ABRAXAS2: variants seen among roughly 807,000 people sequenced by gnomAD.
ABRAXAS2 encodes BRISC complex subunit Abraxas 2.
In ABRAXAS2, 23 loss-of-function variants were observed where a neutral mutation model predicts 49.0. That is an observed-to-expected ratio of 0.47 (90% CI 0.34 to 0.66). ABRAXAS2 has a LOEUF of 0.66. Among genes scored for constraint, ABRAXAS2 ranks in the 30% least tolerant of loss-of-function variants. ABRAXAS2 has a pLI of 0.01. For synonymous variants in ABRAXAS2, 168 were observed against 180.2 expected (o/e 0.93, Z 0.54); for missense variants, 443 against 511.9 (o/e 0.87, Z 1.30).
intron 1 of ABRAXAS2, among the ~76,000 whole-genome samples, chr10:124,802,160 T>C (rs1950709222): frequency 6.6e-6 from 1 of 152,204 alleles, no homozygotes; most frequent in Admixed American, 6.5e-5. Context: ...GCAGCAAAAC[T>C]GTCCCACCTG....
chr10:124,812,466 G>A (rs764110725), intron 2 of ABRAXAS2, among the ~76,000 whole-genome samples: 4 of 151,986 alleles, frequency 2.6e-5, no homozygotes, highest in Non-Finnish European at 4.4e-5. Context: ...ACAATATAGC[G>A]AGACCCTGTC....
At chr10:124,805,514 A>G (rs1034007061) in intron 1 of ABRAXAS2, among the ~76,000 whole-genome samples, 3 of 152,232 alleles carry the variant, frequency 2.0e-5, no homozygotes, top group African/African-American at 7.2e-5. Flanking sequence ...ACTGTTAGTG[A>G]GGCACCTACT....
At chr10:124,824,100 C>A (rs1229712536) in intron 4 of ABRAXAS2, among the ~76,000 whole-genome samples, 1 of 151,988 alleles carries the variant, frequency 6.6e-6, no homozygotes, top group Non-Finnish European at 1.5e-5. Context: ...TGGGGTCTTG[C>A]TATCTGGCTC....
intron 1 of ABRAXAS2, among the ~76,000 whole-genome samples, chr10:124,802,468 G>C (rs1950712661): frequency 1.3e-5 from 2 of 152,160 alleles, no homozygotes; most frequent in Non-Finnish European, 2.9e-5. Context: ...GGTCTATTTT[G>C]TATTTCCTTG....
intron 4 of ABRAXAS2, among the ~76,000 whole-genome samples, chr10:124,822,667 C>T (rs766747543): frequency 1.4e-4 from 22 of 151,952 alleles, no homozygotes; most frequent in Non-Finnish European, 2.8e-4. Flanking sequence ...TGGCGGATGC[C>T]TGTAATCCCA....
intron 2 of ABRAXAS2, among the ~76,000 whole-genome samples, chr10:124,809,273 G>A (rs1387805320): frequency 1.3e-5 from 2 of 152,144 alleles, no homozygotes; most frequent in Non-Finnish European, 1.5e-5. Context: ...TAGGGGACAA[G>A]GGTGTTTTAT....
At chr10:124,832,197 A>G (rs1389368385) in intron 8 of ABRAXAS2, among the ~76,000 whole-genome samples, 4 of 152,030 alleles carry the variant, frequency 2.6e-5, no homozygotes. Flanking sequence ...AGGAGCTACC[A>G]AATATTCTTT....
rs1469856799 is a variant in ABRAXAS2 at position 124,816,480 on chromosome 10, C to T, written c.164-96C>T. 7.8e-6 allele frequency: 6 copies of T among 765,444 alleles called. No homozygotes were observed. The Admixed American group carries it at 1.7e-4, about 22-fold the overall frequency. The allele number at this position is 765,444 out of a possible 1,614,324, so 47.4% of individuals were successfully genotyped here. ...CAGAGGGAAAAGCTGTCTTTGTTGT[C>T]AGAGATTTTGATTAAAAAAAAAAGT... On this transcript the variant is annotated intron_variant, in intron 2 of 8. Transcript: ENST00000298492.
intron 5 of ABRAXAS2, among the ~76,000 whole-genome samples, 174 bp downstream of exon 5, chr10:124,826,959 TG>T (rs56413986): frequency 0.18 from 27,025 of 151,368 alleles, 2,828 homozygotes; most frequent in Non-Finnish European, 0.24. Context: ...CTGGGTGTGG[TG>T]GCACGTGGCT....
At chr10:124,822,330 T>A (rs1950866663) in intron 4 of ABRAXAS2, among the ~76,000 whole-genome samples, 1 of 152,132 alleles carries the variant, frequency 6.6e-6, no homozygotes, top group Non-Finnish European at 1.5e-5. Context: ...AACAAAAGCC[T>A]GAGTGGGTGT....
chr10:124,816,592 G>A lies in ABRAXAS2; in HGVS notation c.180G>A (p.Gln60=). 6.2e-7 allele frequency: 1 copy of A among 1,602,302 alleles called. No homozygotes were observed. Among genetic ancestry groups the A allele is most frequent in the Non-Finnish European group, 8.5e-7 (1 of 1,170,172 alleles). The change falls in exon 3 of 9, where the codon CAG becomes CAA. Residue 60 remains glutamine (Q), a synonymous_variant. Transcript: ENST00000298492. ...FLQVIEIHNH[Q]PCSKLFSFYD... is the part of the protein sequence containing the mutation. ...TAATTACAGAAATCCATAACCATCA[G>A]CCTTGTTCAAAACTTTTTAGGTAAG...
At chr10:124,816,892 A>C (rs1169330604) in intron 3 of ABRAXAS2, among the ~76,000 whole-genome samples, 2 of 152,218 alleles carry the variant, frequency 1.3e-5, no homozygotes, top group African/African-American at 2.4e-5. Flanking sequence ...AATAATTCAA[A>C]GGATGTTCTT....
chr10:124,833,943 C>T (rs1377213170), intron 8 of ABRAXAS2, among the ~76,000 whole-genome samples: 3 of 151,880 alleles, frequency 2.0e-5, no homozygotes, highest in Non-Finnish European at 4.4e-5. Flanking sequence ...GCTATAAAGG[C>T]GTATAAGTGT....
chr10:124,815,954 G>A (rs1190084587), intron 2 of ABRAXAS2, among the ~76,000 whole-genome samples: 1 of 145,624 alleles, frequency 6.9e-6, no homozygotes, highest in Non-Finnish European at 1.5e-5. Flanking sequence ...CCAGGCTGGA[G>A]TGCAGTGGCG....
intron 2 of ABRAXAS2, among the ~76,000 whole-genome samples, chr10:124,810,233 T>A (rs1234678363): frequency 1.3e-5 from 2 of 152,144 alleles, no homozygotes; most frequent in Non-Finnish European, 2.9e-5. Context: ...ATTTACTAAG[T>A]AAAGGTTTGA....
intron 1 of ABRAXAS2, among the ~76,000 whole-genome samples, chr10:124,803,568 A>AT (rs1950720793): frequency 1.3e-5 from 2 of 152,206 alleles, no homozygotes; most frequent in African/African-American, 4.8e-5. Context: ...CAACTCTGCT[A>AT]TTATTGGGAG....
At chr10:124,815,460 C>T (rs1002098529) in intron 2 of ABRAXAS2, among the ~76,000 whole-genome samples, 19 of 152,192 alleles carry the variant, frequency 1.2e-4, no homozygotes, top group African/African-American at 3.6e-4. Context: ...TCCCAAAGTG[C>T]TGGGACTACA....
In ABRAXAS2 at chr10:124,834,624, G is replaced by C. The variant is rs143696470; in HGVS notation, c.901G>C (p.Ala301Pro). The C allele has an allele frequency of 1.4e-5, 22 of 1,614,106 alleles. No individual in the cohort carries two copies. In the African/African-American group the frequency reaches 1.9e-4, roughly 14 times the overall value. ...CAGAAGTACACTTGGAGATGCAGAG[G>C]CCTCGGATCCTCCTCCCCCTTACTC... ...EGRSTLGDAE[A>P]SDPPPPYSDF... Residue 301 changes from alanine to proline, a missense_variant, in exon 9 of 9, where the codon GCC becomes CCC. Coordinates refer to ENST00000298492, the MANE Select transcript of ABRAXAS2 (RefSeq NM_032182.4).
At chr10:124,802,154 C>G (rs1404867218) in intron 1 of ABRAXAS2, among the ~76,000 whole-genome samples, 1 of 152,250 alleles carries the variant, frequency 6.6e-6, no homozygotes, top group Admixed American at 6.5e-5. Context: ...TCCCGTGCAG[C>G]AAAACTGTCC....
Sources: allele counts gnomAD v4.1 joint callset (sites outside exome capture counted in the v4.1 genomes callset), GRCh38; gene constraint gnomAD v4.1.1; transcripts MANE v1.5; gene names NCBI Gene and HGNC (gene_info 2026-07-23, HGNC 2026-07-21).